The following XPNPEP3 variants were observed in gnomAD, a reference collection of about 807,000 sequenced individuals.
The protein encoded by XPNPEP3 is xaa-Pro aminopeptidase 3.
Under a neutral mutation model 60.0 loss-of-function variants are expected in XPNPEP3, and 41 were observed. The ratio of observed to expected loss-of-function variants is 0.68; its 90% CI spans 0.53 to 0.89. XPNPEP3 has a LOEUF of 0.89. Ranked by LOEUF, XPNPEP3 falls within the 40% of genes least tolerant of loss-of-function variation. The probability of loss-of-function intolerance (pLI) is 0.00; values close to 1 mark genes in which losing one functional copy is unlikely to be tolerated. For missense variants in XPNPEP3, 598 were observed against 638.9 expected (o/e 0.94, Z 0.69); for synonymous variants, 212 against 223.2 (o/e 0.95, Z 0.45).
chr22:40,863,471 C>G (rs898431417), intron 1 of XPNPEP3, among the ~76,000 whole-genome samples: 2 of 152,162 alleles, frequency 1.3e-5, no homozygotes, highest in Non-Finnish European at 2.9e-5. Context: ...CTAATGAAAT[C>G]TAAAACTGTA....
At chr22:40,863,851 T>G (rs899177697) in intron 1 of XPNPEP3, among the ~76,000 whole-genome samples, 1 of 152,190 alleles carries the variant, frequency 6.6e-6, no homozygotes, top group African/African-American at 2.4e-5. Context: ...AAAATCTGAT[T>G]TTTAAACTTG....
At chr22:40,901,311 C>G (rs913917308) in intron 4 of XPNPEP3, among the ~76,000 whole-genome samples, 1 of 146,778 alleles carries the variant, frequency 6.8e-6, no homozygotes, top group Non-Finnish European at 1.5e-5. Flanking sequence ...CTCTGCTCAC[C>G]GCAACCTCCA....
In XPNPEP3 at chr22:40,915,116, A is replaced by T. The variant is rs187951287; in HGVS notation, c.1055+792A>T. On this transcript the variant is annotated intron_variant, in intron 7 of 9. Transcript: ENST00000357137. ...ACCCAGGCTGGAGTGCAGTGGCATG[A>T]TCTCGGCTCACTGCTAGCTCCACCT... 2.0e-3 allele frequency among the ~76,000 whole-genome samples: 271 copies of T among 138,898 alleles called. 9 individuals carry two copies. In the East Asian group the frequency reaches 0.055, roughly 28 times the overall value. The allele number at this position is 138,898 out of a possible 152,430, so 91.1% of individuals were successfully genotyped here. A position where few individuals can be genotyped will look rare whatever the true frequency, so the allele number is the denominator to read the frequency against.
chr22:40,896,245 G>A (rs1174830497), intron 4 of XPNPEP3, among the ~76,000 whole-genome samples: 5 of 152,098 alleles, frequency 3.3e-5, no homozygotes, highest in Middle Eastern at 6.3e-3. Flanking sequence ...CATGTTGGCC[G>A]TGTGAGCTCC....
chr22:40,899,088 T>A (rs1160662337), intron 4 of XPNPEP3, among the ~76,000 whole-genome samples: 1 of 152,204 alleles, frequency 6.6e-6, no homozygotes, highest in Admixed American at 6.6e-5. Flanking sequence ...TTCCTCAGGG[T>A]ATTGCATGTA....
chr22:40,903,387 C>G (rs1312015804), intron 4 of XPNPEP3, among the ~76,000 whole-genome samples: 1 of 152,076 alleles, frequency 6.6e-6, no homozygotes, highest in Non-Finnish European at 1.5e-5. Flanking sequence ...TTGTTAATAT[C>G]CTTCAAGTAC....
At chr22:40,860,650 A>C in intron 1 of XPNPEP3, 1 of 1,317,184 alleles carries the variant, frequency 7.6e-7, no homozygotes, top group Non-Finnish European at 1.0e-6. Flanking sequence ...GCAGTTTTCC[A>C]AATTCCTTTT....
chr22:40,902,969 T>C (rs565904152), intron 4 of XPNPEP3, among the ~76,000 whole-genome samples: 1 of 152,228 alleles, frequency 6.6e-6, no homozygotes, highest in East Asian at 1.9e-4. Context: ...GAGCCTAAAA[T>C]GGAATCTCAC....
At chr22:40,904,509 A>ACTGC (rs1278829245) in intron 4 of XPNPEP3, among the ~76,000 whole-genome samples, 1 of 152,132 alleles carries the variant, frequency 6.6e-6, no homozygotes, top group African/African-American at 2.4e-5. Context: ...GTGAATAGCC[A>ACTGC]CTGCCCTCCA....
At chr22:40,861,973 G>C in intron 1 of XPNPEP3, 1 of 1,601,198 alleles carries the variant, frequency 6.2e-7, no homozygotes, top group East Asian at 2.2e-5. Context: ...TGCAGTCCTA[G>C]AACTTCATAG....
intron 2 of XPNPEP3, among the ~76,000 whole-genome samples, chr22:40,876,280 C>T (rs544205747): frequency 6.6e-6 from 1 of 152,256 alleles, no homozygotes; most frequent in South Asian, 2.1e-4. Flanking sequence ...GTCATAATAG[C>T]GGTTGTCCAT....
At chr22:40,895,337 C>T (rs934161933) in intron 4 of XPNPEP3, among the ~76,000 whole-genome samples, 1 of 150,804 alleles carries the variant, frequency 6.6e-6, no homozygotes. Flanking sequence ...TAGTGCTTTT[C>T]TTTTCTTTTT....
intron 2 of XPNPEP3, 22 bp from the exon 3 acceptor site, chr22:40,881,748 C>CATTT (rs1320750312): frequency 6.2e-7 from 1 of 1,613,520 alleles, no homozygotes; most frequent in Non-Finnish European, 8.5e-7. Context: ...TGTAAAGCAT[C>CATTT]CCTTTTATTT....
At chr22:40,924,646 CTGAG>C (rs1243470574) in intron 9 of XPNPEP3, among the ~76,000 whole-genome samples, 164 bp downstream of exon 9, 4 of 152,176 alleles carry the variant, frequency 2.6e-5, no homozygotes, top group African/African-American at 9.7e-5. Context: ...CCTCAACCTC[CTGAG>C]TATCTGGGAT....
chr22:40,883,420 C>T (rs958081654), intron 3 of XPNPEP3, among the ~76,000 whole-genome samples: 10 of 152,000 alleles, frequency 6.6e-5, no homozygotes, highest in African/African-American at 2.4e-4. Context: ...GGTATAGTGG[C>T]ACACTCATGG....
rs1344686258 is a variant in XPNPEP3 at position 40,930,509 on chromosome 22, G to C, written c.*4074G>C. ...TGTTTTGATACATATATAATGATCA[G>C]ATCAGAACAATTAGCATATCCATCA... is the stretch of plus-strand genomic sequence containing the variant. On this transcript the variant is annotated 3_prime_UTR_variant, in exon 10 of 10. Transcript: ENST00000357137. 1 of 151,924 alleles carries C rather than the reference G, an allele frequency of 6.6e-6. No homozygotes were observed. The highest frequency in any genetic ancestry group is 1.9e-4 in the East Asian group (1 of 5,186). 9.4% of individuals were successfully genotyped at this position (151,924 alleles called of 1,614,324 possible). A position where few individuals can be genotyped will look rare whatever the true frequency, so the allele number is the denominator to read the frequency against.
intron 1 of XPNPEP3, chr22:40,861,409 C>A: frequency 6.2e-7 from 1 of 1,613,628 alleles, no homozygotes. Context: ...ATATTTCTGC[C>A]ATTAACGATT....
At chr22:40,899,422 A>G (rs933153897) in intron 4 of XPNPEP3, among the ~76,000 whole-genome samples, 2 of 152,166 alleles carry the variant, frequency 1.3e-5, no homozygotes, top group African/African-American at 2.4e-5. Context: ...AGGGTCTATC[A>G]TTTCCACATT....
chr22:40,907,825 T>C (rs1256729235), intron 5 of XPNPEP3, among the ~76,000 whole-genome samples, 176 bp downstream of exon 5: 1 of 152,126 alleles, frequency 6.6e-6, no homozygotes, highest in African/African-American at 2.4e-5. Context: ...TACGTTACAA[T>C]TAAAGGAAGA....
Sources: allele counts gnomAD v4.1 joint callset (sites outside exome capture counted in the v4.1 genomes callset), GRCh38; gene constraint gnomAD v4.1.1; transcripts MANE v1.5; gene names NCBI Gene and HGNC (gene_info 2026-07-23, HGNC 2026-07-21).